The following A1CF variants were observed in gnomAD, a reference collection of about 807,000 sequenced individuals.
A1CF encodes the protein APOBEC-1 stimulating protein.
A1CF carries 48 observed loss-of-function variants against 68.9 expected under a neutral mutation model. The ratio of observed to expected loss-of-function variants is 0.70; its 90% CI spans 0.55 to 0.89. The LOEUF (loss-of-function observed/expected upper bound fraction) is 0.89. A1CF is among the 40% of genes least tolerant of loss of function. The pLI, the probability that A1CF is intolerant of heterozygous loss-of-function variation, is 0.00. For synonymous variants in A1CF, 272 were observed against 260.4 expected (o/e 1.04, Z -0.43); for missense variants, 653 against 718.9 (o/e 0.91, Z 1.05).
At chr10:50,827,348 T>C (rs1435500465) in intron 7 of A1CF, among the ~76,000 whole-genome samples, 1 of 152,128 alleles carries the variant, frequency 6.6e-6, no homozygotes, top group Admixed American at 6.6e-5. Context: ...CAGCTCCACA[T>C]CACACTTATT....
chr10:50,814,369 T>C (rs561471407), intron 9 of A1CF, among the ~76,000 whole-genome samples: 37 of 152,364 alleles, frequency 2.4e-4, no homozygotes, highest in African/African-American at 8.7e-4. Context: ...GTAACCTTGA[T>C]ATTTTATACA....
At chr10:50,872,511 A>T (rs1841316012) in intron 1 of A1CF, among the ~76,000 whole-genome samples, 1 of 152,134 alleles carries the variant, frequency 6.6e-6, no homozygotes, top group Non-Finnish European at 1.5e-5. Context: ...CATCTTAAAA[A>T]AAAATAGGCA....
intron 1 of A1CF, among the ~76,000 whole-genome samples, chr10:50,878,563 C>A (rs1841625121): frequency 6.6e-6 from 1 of 152,220 alleles, no homozygotes; most frequent in Non-Finnish European, 1.5e-5. Flanking sequence ...TTGTCTCCCA[C>A]TCTGCTATGC....
intron 5 of A1CF, among the ~76,000 whole-genome samples, chr10:50,840,114 G>C (rs1437413930): frequency 6.6e-6 from 1 of 151,884 alleles, no homozygotes; most frequent in African/African-American, 2.4e-5. Flanking sequence ...GACTTCTTTT[G>C]GTCCTATAGA....
chr10:50,821,010 A>G (rs1838634962), intron 7 of A1CF, among the ~76,000 whole-genome samples: 1 of 152,180 alleles, frequency 6.6e-6, no homozygotes, highest in Non-Finnish European at 1.5e-5. Context: ...TTTTACAAAC[A>G]TATATTTAGG....
At chr10:50,809,764 G>T in intron 12 of A1CF, 130 bp downstream of exon 12, 3 of 1,351,194 alleles carry the variant, frequency 2.2e-6, no homozygotes, top group African/African-American at 1.5e-5. Context: ...AACTCTTTTT[G>T]GTCCCAAGGT....
intron 1 of A1CF, among the ~76,000 whole-genome samples, chr10:50,873,585 A>T (rs1278824989): frequency 5.9e-5 from 9 of 152,222 alleles, no homozygotes; most frequent in African/African-American, 2.2e-4. Context: ...ATGGCTAAAG[A>T]AGTTTCTGAA....
intron 1 of A1CF, 119 bp downstream of exon 1, chr10:50,885,461 CT>C (rs1841962715): frequency 6.6e-6 from 1 of 152,106 alleles, no homozygotes; most frequent in Non-Finnish European, 1.5e-5. Flanking sequence ...CTAGATAATT[CT>C]TTGAATTAGG....
intron 2 of A1CF, among the ~76,000 whole-genome samples, chr10:50,860,749 C>T (rs910351816): frequency 6.6e-6 from 1 of 152,160 alleles, no homozygotes; most frequent in Non-Finnish European, 1.5e-5. Context: ...ATTTTGGGAA[C>T]ATGATTTGAA....
Position 50,860,930 on chromosome 10 carries a change from T to C in A1CF, c.-45-945A>G, listed in dbSNP as rs143094791. 9.4e-3 allele frequency among the ~76,000 whole-genome samples: 1,434 copies of C among 152,302 alleles called. 30 individuals carry two copies. Among genetic ancestry groups the C allele is most frequent in the African/African-American group, 0.033 (1,360 of 41,568 alleles). ...TATTAGTGGCTCAGGGAAGGTTCTT[T>C]GCTGGGTTTTCACCCTGCTTAATGT... On this transcript the variant is annotated intron_variant, in intron 2 of 12. Coordinates refer to ENST00000373997, the MANE Select transcript of A1CF (RefSeq NM_014576.4).
intron 2 of A1CF, among the ~76,000 whole-genome samples, chr10:50,860,874 A>T (rs1310550548): frequency 6.6e-6 from 1 of 152,186 alleles, no homozygotes; most frequent in Non-Finnish European, 1.5e-5. Context: ...CCACATACAC[A>T]GAGGTGAAGG....
At chr10:50,850,197 G>A (rs560683627) in intron 3 of A1CF, among the ~76,000 whole-genome samples, 135 of 152,232 alleles carry the variant, frequency 8.9e-4, no homozygotes, top group Non-Finnish European at 1.8e-3. Context: ...AGTAAATTAT[G>A]AGTCACCTTC....
chr10:50,884,020 T>G (rs528442204), intron 1 of A1CF, among the ~76,000 whole-genome samples: 1 of 152,246 alleles, frequency 6.6e-6, no homozygotes, highest in South Asian at 2.1e-4. Flanking sequence ...GCTTCACAGA[T>G]GCTTGTTATC....
chr10:50,827,335 T>A (rs1376227234), intron 7 of A1CF, among the ~76,000 whole-genome samples: 1 of 152,216 alleles, frequency 6.6e-6, no homozygotes, highest in African/African-American at 2.4e-5. Context: ...TATACATTCT[T>A]CTCAGCTCCA....
intron 2 of A1CF, 74 bp downstream of exon 2, chr10:50,863,951 GTATCACAA>G (rs1413962584): frequency 4.6e-5 from 7 of 152,138 alleles, no homozygotes; most frequent in Non-Finnish European, 1.0e-4. Context: ...TTGTATAGAG[GTATCACAA>G]TATCACATAT....
In A1CF at chr10:50,813,883, GT is replaced by G. The variant is rs1466140794; in HGVS notation, c.1296del (p.Lys432AsnfsTer12). 6.2e-7 allele frequency: 1 copy of G among 1,613,842 alleles called. No individual in the cohort carries two copies. Among genetic ancestry groups the G allele is most frequent in the Admixed American group, 1.7e-5 (1 of 59,996 alleles). ...TGGGGAGCGAGTTTAATTCCTTGGG[GT>G]TTTAATGTGACAGGATTCATTGGGG... The part of the protein sequence containing the change: ...ELTPMNPVTL[K>X]PQGIKLAPQI... On this transcript the variant is annotated frameshift_variant, in exon 10 of 13. Transcript: ENST00000373997. LOFTEE classifies it high-confidence loss of function.
intron 6 of A1CF, among the ~76,000 whole-genome samples, chr10:50,830,531 C>A (rs1423226886): frequency 6.6e-6 from 1 of 151,892 alleles, no homozygotes; most frequent in African/African-American, 2.4e-5. Context: ...GTATCATCCC[C>A]CCAAAAATAC....
chr10:50,839,789 C>T (rs577559916), intron 5 of A1CF, among the ~76,000 whole-genome samples: 85 of 152,254 alleles, frequency 5.6e-4, no homozygotes, highest in Non-Finnish European at 1.1e-3. Flanking sequence ...CTCTTCTTGC[C>T]CAGGCTGGAG....
chr10:50,871,697 A>C (rs1841273954), intron 1 of A1CF, among the ~76,000 whole-genome samples: 1 of 152,090 alleles, frequency 6.6e-6, no homozygotes, highest in South Asian at 2.1e-4. Context: ...GTGCTATTTC[A>C]AATTCATAGG....
Sources: gnomAD v4.1 joint callset for allele counts (sites outside exome capture counted in the v4.1 genomes callset) on GRCh38, gnomAD v4.1.1 for gene constraint, MANE v1.5 for transcripts, NCBI Gene and HGNC (gene_info 2026-07-23, HGNC 2026-07-21) for gene names.